Variants in BTBD10 observed in about 807,000 individuals in gnomAD.
The protein encoded by BTBD10 is BTB domain containing 10.
A neutral mutation model predicts 53.2 loss-of-function variants in BTBD10; 21 were observed. The ratio of observed to expected loss-of-function variants is 0.39; its 90% CI spans 0.28 to 0.57. The LOEUF (loss-of-function observed/expected upper bound fraction) is 0.57, where lower values mean the gene tolerates loss of function less well. BTBD10 is among the 20% of genes least tolerant of loss of function. The pLI is 0.53. For missense variants in BTBD10, 360 were observed against 594.7 expected, an observed-to-expected ratio of 0.61 and a Z score of 4.10; for synonymous variants, 149 against 192.7, an observed-to-expected ratio of 0.77 and a Z score of 1.88.
chr11:13,436,984 T>A (rs1323402889), intron 2 of BTBD10, among the ~76,000 whole-genome samples: 1 of 152,178 alleles, frequency 6.6e-6, no homozygotes, highest in Non-Finnish European at 1.5e-5. Flanking sequence ...GGTTTCACCA[T>A]GTTGTCCAGG....
At chr11:13,431,812 T>C (rs184628933) in intron 2 of BTBD10, among the ~76,000 whole-genome samples, 6 of 152,274 alleles carry the variant, frequency 3.9e-5, no homozygotes, top group African/African-American at 1.4e-4. Context: ...CAGTTTTCAA[T>C]GGCAGGCAGG....
intron 1 of BTBD10, among the ~76,000 whole-genome samples, chr11:13,452,577 T>C (rs1006217930): frequency 1.3e-5 from 2 of 152,142 alleles, no homozygotes; most frequent in Non-Finnish European, 2.9e-5. Context: ...CTCATTACCA[T>C]AGCAAGCATA....
At chr11:13,396,080 T>G (rs1460182315) in intron 8 of BTBD10, among the ~76,000 whole-genome samples, 4 of 152,112 alleles carry the variant, frequency 2.6e-5, no homozygotes, top group African/African-American at 9.7e-5. Flanking sequence ...GTGAAGAAAG[T>G]CATTGGTAGC....
intron 1 of BTBD10, among the ~76,000 whole-genome samples, chr11:13,461,673 A>C (rs1951101068): frequency 6.6e-6 from 1 of 152,200 alleles, no homozygotes; most frequent in Admixed American, 6.5e-5. Flanking sequence ...ATAATTACAT[A>C]GGGTTAGAAG....
At chr11:13,438,464 GGATTGGT>G (rs1457686361) in intron 2 of BTBD10, among the ~76,000 whole-genome samples, 1 of 151,872 alleles carries the variant, frequency 6.6e-6, no homozygotes, top group Admixed American at 6.6e-5. Context: ...AGAAAAATGC[GGATTGGT>G]GAAATAAATT....
Position 13,419,756 on chromosome 11 carries a change from G to A in BTBD10, c.299-11C>T, listed in dbSNP as rs1197418850. On this transcript the variant is annotated splice_polypyrimidine_tract_variant and intron_variant, in intron 3 of 8. Coordinates refer to ENST00000278174, the MANE Select transcript of BTBD10 (RefSeq NM_032320.7). Reference sequence around the variant, plus strand: ...GATCTTTTTCTCGTTCTGAAATAAAGATGTTAGACGAAGTTATGCAAATTT... The same window carrying A: ...GATCTTTTTCTCGTTCTGAAATAAAAATGTTAGACGAAGTTATGCAAATTT... 4 of 1,541,130 alleles carry A rather than the reference G, an allele frequency of 2.6e-6. No individual in the cohort carries two copies.
intron 1 of BTBD10, among the ~76,000 whole-genome samples, chr11:13,457,752 C>A (rs1457998884): frequency 6.6e-6 from 1 of 152,026 alleles, no homozygotes; most frequent in East Asian, 1.9e-4. Flanking sequence ...CTTACATACT[C>A]CAAATAAATT....
intron 1 of BTBD10, among the ~76,000 whole-genome samples, chr11:13,461,422 G>A (rs1218806895): frequency 6.6e-6 from 1 of 152,170 alleles, no homozygotes; most frequent in Admixed American, 6.5e-5. Flanking sequence ...AAGGCATAGT[G>A]CATTTCCCTC....
chr11:13,416,018 C>CAA (rs966508143), intron 5 of BTBD10, among the ~76,000 whole-genome samples: 2 of 136,598 alleles, frequency 1.5e-5, no homozygotes, highest in African/African-American at 5.4e-5. Context: ...AAATATTTTT[C>CAA]AAAAAAAAAA....
At chr11:13,413,688 G>C (rs1263899925) in intron 5 of BTBD10, 38 bp from the exon 6 acceptor site, 4 of 1,586,530 alleles carry the variant, frequency 2.5e-6, no homozygotes, top group Non-Finnish European at 3.4e-6. Flanking sequence ...AAAATATCTG[G>C]AGCATAAGGT....
At chr11:13,421,451 T>C (rs1346747093) in intron 3 of BTBD10, among the ~76,000 whole-genome samples, 191 bp downstream of exon 3, 1 of 152,234 alleles carries the variant, frequency 6.6e-6, no homozygotes, top group Non-Finnish European at 1.5e-5. Context: ...TAAAAATTCA[T>C]GTTAACTTTG....
intron 2 of BTBD10, among the ~76,000 whole-genome samples, chr11:13,443,323 T>C (rs1211935030): frequency 3.9e-5 from 6 of 152,014 alleles, no homozygotes; most frequent in Non-Finnish European, 1.5e-5. Flanking sequence ...TTTGAGTATT[T>C]GTTACTGACA....
chr11:13,442,561 T>C (rs1950676920), intron 2 of BTBD10, among the ~76,000 whole-genome samples: 1 of 152,100 alleles, frequency 6.6e-6, no homozygotes, highest in Non-Finnish European at 1.5e-5. Context: ...GCCAGAAATG[T>C]CCTCCATCTA....
intron 8 of BTBD10, among the ~76,000 whole-genome samples, chr11:13,389,705 C>G (rs1165296725): frequency 6.6e-6 from 1 of 152,164 alleles, no homozygotes; most frequent in Non-Finnish European, 1.5e-5. Flanking sequence ...ATTACAGGCG[C>G]AAGCCACCAT....
At chr11:13,452,116 G>T (rs972621658) in intron 1 of BTBD10, among the ~76,000 whole-genome samples, 2 of 151,890 alleles carry the variant, frequency 1.3e-5, no homozygotes, top group Non-Finnish European at 2.9e-5. Flanking sequence ...GAGACAGGAG[G>T]GACAGTATCT....
rs997505713 is a variant in BTBD10 at position 13,463,214 on chromosome 11, G to C, written c.-180C>G. The C allele has an allele frequency of 1.3e-5, 2 of 152,360 alleles. No homozygotes were observed. The highest frequency in any genetic ancestry group is 3.9e-4 in the East Asian group (2 of 5,160). 9.4% of individuals were successfully genotyped at this position (152,360 alleles called of 1,614,324 possible). A position where few individuals can be genotyped will look rare whatever the true frequency, so the allele number is the denominator to read the frequency against. On this transcript the variant is annotated 5_prime_UTR_variant, in exon 1 of 9. Coordinates refer to ENST00000278174, the MANE Select transcript of BTBD10 (RefSeq NM_032320.7). Reference sequence around the variant, plus strand: ...AGGTGGCTGTGGAGGAAGCCACTGAGGCGGCTGCGCGTAGCGGAGCCGCCC... The same window carrying C: ...AGGTGGCTGTGGAGGAAGCCACTGACGCGGCTGCGCGTAGCGGAGCCGCCC...
At chr11:13,451,618 A>G (rs1022454470) in intron 1 of BTBD10, among the ~76,000 whole-genome samples, 2 of 152,248 alleles carry the variant, frequency 1.3e-5, no homozygotes, top group African/African-American at 4.8e-5. Flanking sequence ...TTTGAATCCA[A>G]GCAAGTTAAC....
intron 4 of BTBD10, among the ~76,000 whole-genome samples, chr11:13,418,485 CA>C (rs1394487327): frequency 2.0e-5 from 3 of 152,040 alleles, no homozygotes; most frequent in Non-Finnish European, 4.4e-5. Flanking sequence ...GTATCATTAA[CA>C]CTGTCAAGTC....
chr11:13,440,931 G>A (rs936450011), intron 2 of BTBD10, among the ~76,000 whole-genome samples: 1 of 152,030 alleles, frequency 6.6e-6, no homozygotes, highest in African/African-American at 2.4e-5. Flanking sequence ...AATTTAAAAA[G>A]AAGTTGTCAC....
Sources: allele counts gnomAD v4.1 joint callset (sites outside exome capture counted in the v4.1 genomes callset), GRCh38; gene constraint gnomAD v4.1.1; transcripts MANE v1.5; gene names NCBI Gene and HGNC (gene_info 2026-07-23, HGNC 2026-07-21).